The following ZDHHC17 variants were observed in gnomAD, a reference collection of about 807,000 sequenced individuals.
ZDHHC17 encodes the protein zDHHC palmitoyltransferase 17, also known as palmitoyltransferase ZDHHC17.
In ZDHHC17, 40 loss-of-function variants were observed where a neutral mutation model predicts 90.3. The observed-to-expected ratio is 0.44, with a 90% CI of 0.34 to 0.58. The LOEUF is 0.58. ZDHHC17 is among the 20% of genes least tolerant of loss of function. The pLI is 0.01. For missense variants in ZDHHC17, 614 were observed against 780.8 expected (o/e 0.79, Z 2.55); for synonymous variants, 235 against 252.4 (o/e 0.93, Z 0.65).
At chr12:76,779,416 C>T (rs1952598479) in intron 1 of ZDHHC17, among the ~76,000 whole-genome samples, 1 of 152,098 alleles carries the variant, frequency 6.6e-6, no homozygotes, top group African/African-American at 2.4e-5. Context: ...GGAGCAAAGT[C>T]ACGTCTTACA....
intron 16 of ZDHHC17, 90 bp from the exon 17 acceptor site, chr12:76,850,757 A>C: frequency 6.7e-7 from 1 of 1,500,072 alleles, no homozygotes; most frequent in Non-Finnish European, 8.9e-7. Context: ...GTTTAGAAAA[A>C]AATATATTTA....
chr12:76,837,365 C>T (rs956587616), intron 10 of ZDHHC17, among the ~76,000 whole-genome samples: 1 of 152,040 alleles, frequency 6.6e-6, no homozygotes, highest in Non-Finnish European at 1.5e-5. Flanking sequence ...TGTGGTGGTG[C>T]GTGCCTATAG....
intron 16 of ZDHHC17, 65 bp downstream of exon 16, chr12:76,849,535 C>G (rs1953538451): frequency 5.1e-6 from 5 of 986,620 alleles, no homozygotes; most frequent in Non-Finnish European, 7.5e-6. Context: ...TAACCAGACT[C>G]TTTTACTTAG....
At chr12:76,813,312 G>A (rs1181749205) in intron 5 of ZDHHC17, 7 of 444,638 alleles carry the variant, frequency 1.6e-5, no homozygotes, top group Non-Finnish European at 2.7e-5. Flanking sequence ...TTAAGCCACA[G>A]GATTATTTTA....
chr12:76,820,709 C>T lies in ZDHHC17; in HGVS notation c.772-1697C>T, dbSNP rs200341638. Among the ~76,000 whole-genome samples, 25 of 152,156 alleles carry T rather than the reference C, an allele frequency of 1.6e-4. 1 individual carries two copies. Among genetic ancestry groups the T allele is most frequent in the Middle Eastern group, 6.8e-3 (2 of 294 alleles). The stretch of plus-strand genomic sequence containing the variant: ...AAGGAAAAATTTTTTTAAAATTTGA[C>T]GATGAAATTCAACCTTACGTAGGTG... On this transcript the variant is annotated intron_variant, in intron 7 of 16. Transcript: ENST00000426126.
At chr12:76,839,921 A>T (rs1953412175) in intron 10 of ZDHHC17, 3 of 152,208 alleles carry the variant, frequency 2.0e-5, no homozygotes, top group African/African-American at 4.8e-5. Flanking sequence ...CATAATATTT[A>T]TTGGCATAGG....
In ZDHHC17 at chr12:76,815,837, T is replaced by TC; in HGVS notation, c.609-20_609-19insC. The TC allele has an allele frequency of 6.8e-7, 1 of 1,463,302 alleles. No individual in the cohort carries two copies. Among genetic ancestry groups the TC allele is most frequent in the Non-Finnish European group, 9.1e-7 (1 of 1,103,204 alleles). The allele number at this position is 1,463,302 out of a possible 1,614,324, so 90.6% of individuals were successfully genotyped here. On this transcript the variant is annotated intron_variant, in intron 6 of 16. Coordinates refer to ENST00000426126, the MANE Select transcript of ZDHHC17 (RefSeq NM_015336.4). ...TTAGGGTTGTTGTTGTTGTTTGTTTTTTTTTTTTTTCCTTTTCAGTGTGGA... is the reference window on the plus strand; with the variant it reads ...TTAGGGTTGTTGTTGTTGTTTGTTTTCTTTTTTTTTTCCTTTTCAGTGTGGA...
intron 7 of ZDHHC17, among the ~76,000 whole-genome samples, chr12:76,818,683 T>C (rs1043076012): frequency 2.0e-5 from 3 of 152,140 alleles, no homozygotes; most frequent in Non-Finnish European, 4.4e-5. Flanking sequence ...GGAGTAAGAT[T>C]GCAGTATTTG....
chr12:76,771,891 A>G (rs1301662556), intron 1 of ZDHHC17, among the ~76,000 whole-genome samples: 2 of 152,206 alleles, frequency 1.3e-5, no homozygotes, highest in Non-Finnish European at 2.9e-5. Flanking sequence ...TCAGGATGCA[A>G]GGATGCAGTT....
rs1362868213 is a variant in ZDHHC17 at position 76,764,121 on chromosome 12, G to A, written c.-116G>A. 13 of 780,358 alleles carry A rather than the reference G, an allele frequency of 1.7e-5. No homozygotes were observed. Among genetic ancestry groups the A allele is most frequent in the Middle Eastern group, 3.9e-4 (1 of 2,566 alleles). 48.3% of individuals were successfully genotyped at this position (780,358 alleles called of 1,614,324 possible). A position where few individuals can be genotyped will look rare whatever the true frequency, so the allele number is the denominator to read the frequency against. ...GGGAGGGGACAGAGGGGGCGTCACG[G>A]GGGCAGGAGAAGAAGGAGGAGGAGG... On this transcript the variant is annotated 5_prime_UTR_variant, in exon 1 of 17. Coordinates refer to ENST00000426126, the MANE Select transcript of ZDHHC17 (RefSeq NM_015336.4).
chr12:76,799,136 C>CA (rs995619314), intron 2 of ZDHHC17, among the ~76,000 whole-genome samples: 8 of 151,496 alleles, frequency 5.3e-5, no homozygotes, highest in South Asian at 4.2e-4. Context: ...GACCCCATCT[C>CA]AAAAAAAACA....
intron 10 of ZDHHC17, among the ~76,000 whole-genome samples, chr12:76,831,314 T>C (rs1368853557): frequency 1.3e-5 from 2 of 152,010 alleles, no homozygotes; most frequent in Admixed American, 1.3e-4. Flanking sequence ...TTTTTTTTTG[T>C]TTTTATTGTC....
chr12:76,844,947 T>C (rs1054077708), intron 12 of ZDHHC17: 24 of 152,256 alleles, frequency 1.6e-4, no homozygotes, highest in African/African-American at 5.3e-4. Context: ...TTTAGAGTAA[T>C]GTAGGTTTTA....
chr12:76,772,709 AT>A (rs869240058), intron 1 of ZDHHC17, among the ~76,000 whole-genome samples: 663 of 105,364 alleles, frequency 6.3e-3, no homozygotes, highest in Middle Eastern at 0.014. Context: ...TAACTTTTGT[AT>A]TTTTTTTTTT....
At chr12:76,837,756 T>C (rs1443804311) in intron 10 of ZDHHC17, among the ~76,000 whole-genome samples, 3 of 152,198 alleles carry the variant, frequency 2.0e-5, no homozygotes, top group African/African-American at 4.8e-5. Flanking sequence ...GATAAAACTA[T>C]CCATGTGTTG....
rs765272680 is a variant in ZDHHC17 at position 76,842,070 on chromosome 12, A to G, written c.1230A>G (p.Pro410=). Residue 410 remains proline, a synonymous_variant, in exon 11 of 17, where the codon CCA becomes CCG. Coordinates refer to ENST00000426126, the MANE Select transcript of ZDHHC17 (RefSeq NM_015336.4). The part of the protein sequence containing the change: ...YNFGKSWKSD[P]GIIKATEEQK... ...TTGGAAAATCTTGGAAATCAGATCC[A>G]GGGATTATTAAAGCAACAGAAGAGC... 1.3e-6 allele frequency: 2 copies of G among 1,596,390 alleles called. No individual in the cohort carries two copies. The highest frequency in any genetic ancestry group is 1.1e-5 in the South Asian group (1 of 87,972).
chr12:76,775,035 C>T (rs1422133016), intron 1 of ZDHHC17, among the ~76,000 whole-genome samples: 1 of 152,190 alleles, frequency 6.6e-6, no homozygotes, highest in Non-Finnish European at 1.5e-5. Context: ...GCCATGTTGG[C>T]CAGGCTGGTC....
In ZDHHC17 at chr12:76,764,284, T is replaced by G; in HGVS notation, c.48T>G (p.Asp16Glu). The G allele has an allele frequency of 6.2e-7, 1 of 1,607,564 alleles. No individual in the cohort carries two copies. The highest frequency in any genetic ancestry group is 8.5e-7 in the Non-Finnish European group (1 of 1,177,224). ...GFNTKMADGP[D>E]EYDTEAGCVP... ...ACACCAAGATGGCGGACGGCCCGGA[T>G]GAGTACGATACCGAAGCGGGCTGTG... The change falls in exon 1 of 17, where the codon GAT becomes GAG. Residue 16 changes from aspartate to glutamate, a missense_variant. Coordinates refer to ENST00000426126, the MANE Select transcript of ZDHHC17 (RefSeq NM_015336.4).
chr12:76,849,344 A>G, intron 15 of ZDHHC17, 32 bp from the exon 16 acceptor site: 1 of 1,133,322 alleles, frequency 8.8e-7, no homozygotes, highest in Non-Finnish European at 1.2e-6. Context: ...AAAAAAAACA[A>G]GAATAATGGT....
Sources: gnomAD v4.1 joint callset for allele counts (sites outside exome capture counted in the v4.1 genomes callset) on GRCh38, gnomAD v4.1.1 for gene constraint, MANE v1.5 for transcripts, NCBI Gene and HGNC (gene_info 2026-07-23, HGNC 2026-07-21) for gene names.